CSMD1: variants seen among roughly 807,000 people sequenced by gnomAD.
CSMD1 encodes CUB and Sushi multiple domains 1.
CSMD1 carries 213 observed loss-of-function variants against 417.5 expected under a neutral mutation model. The ratio of observed to expected loss-of-function variants is 0.51; its 90% CI spans 0.46 to 0.57. CSMD1 has a LOEUF of 0.57. Among genes scored for constraint, CSMD1 ranks in the 20% least tolerant of loss-of-function variants. The pLI is 0.00. For synonymous variants in CSMD1, 2,862 were observed against 1,736.8 expected (o/e 1.65, Z -16.11); for missense variants, 6,923 against 4,529.7 (o/e 1.53, Z -15.17).
chr8:4,901,159 A>C (rs1804846791), intron 1 of CSMD1, among the ~76,000 whole-genome samples: 1 of 152,226 alleles, frequency 6.6e-6, no homozygotes, highest in Non-Finnish European at 1.5e-5. Context: ...CTGGGCTAAG[A>C]AAGATTTTCT....
intron 10 of CSMD1, among the ~76,000 whole-genome samples, chr8:3,562,597 T>C (rs1456546600): frequency 2.6e-5 from 4 of 152,196 alleles, no homozygotes. Context: ...TTTAACTCAG[T>C]AAAATTTTAT....
At chr8:3,709,451 C>T (rs773884065) in intron 6 of CSMD1, among the ~76,000 whole-genome samples, 4 of 152,072 alleles carry the variant, frequency 2.6e-5, no homozygotes, top group African/African-American at 7.2e-5. Flanking sequence ...AACCTGACTG[C>T]ACCACAAGGT....
intron 41 of CSMD1, among the ~76,000 whole-genome samples, chr8:3,121,403 T>C (rs1441729040): frequency 2.0e-5 from 3 of 152,078 alleles, no homozygotes; most frequent in South Asian, 2.1e-4. Flanking sequence ...AGAGGACACA[T>C]AGTGGCAAAA....
intron 10 of CSMD1, among the ~76,000 whole-genome samples, chr8:3,562,185 T>C (rs569117813): frequency 1.6e-4 from 24 of 151,748 alleles, no homozygotes; most frequent in Non-Finnish European, 2.1e-4. Context: ...TGGGGAAAGA[T>C]GGAAAGTGAA....
chr8:4,136,822 C>T (rs952329883), intron 3 of CSMD1, among the ~76,000 whole-genome samples: 2 of 152,162 alleles, frequency 1.3e-5, no homozygotes, highest in Admixed American at 6.5e-5. Context: ...GGGATCCTGA[C>T]ATCCAAATGT....
intron 3 of CSMD1, among the ~76,000 whole-genome samples, chr8:4,298,366 T>C (rs1797797457): frequency 6.6e-6 from 1 of 152,166 alleles, no homozygotes; most frequent in Non-Finnish European, 1.5e-5. Flanking sequence ...ACTGTAATAG[T>C]TTTTATTTAC....
intron 1 of CSMD1, among the ~76,000 whole-genome samples, chr8:4,908,406 T>G (rs1283660281): frequency 6.6e-6 from 1 of 152,226 alleles, no homozygotes; most frequent in Non-Finnish European, 1.5e-5. Context: ...TATCATTAAT[T>G]TTGGAAAGCT....
At chr8:3,321,428 G>C (rs964794724) in intron 23 of CSMD1, among the ~76,000 whole-genome samples, 5 of 152,064 alleles carry the variant, frequency 3.3e-5, no homozygotes, top group African/African-American at 1.2e-4. Flanking sequence ...TATTCCTCCT[G>C]AAGGCTCTTC....
chr8:4,130,165 C>A (rs1272800302), intron 3 of CSMD1, among the ~76,000 whole-genome samples: 1 of 152,140 alleles, frequency 6.6e-6, no homozygotes, highest in East Asian at 1.9e-4. Flanking sequence ...AAAGACCCAA[C>A]ATCTTTTCCT....
intron 1 of CSMD1, among the ~76,000 whole-genome samples, chr8:4,740,159 G>A (rs1245088557): frequency 1.3e-5 from 2 of 152,104 alleles, no homozygotes; most frequent in East Asian, 1.9e-4. Flanking sequence ...ACTGTGCAAT[G>A]AGAGCCTGAG....
intron 12 of CSMD1, among the ~76,000 whole-genome samples, chr8:3,464,858 C>G (rs1816709537): frequency 6.6e-6 from 1 of 152,068 alleles, no homozygotes; most frequent in East Asian, 1.9e-4. Flanking sequence ...TTACCTCTCT[C>G]CCATTACTTT....
intron 10 of CSMD1, among the ~76,000 whole-genome samples, chr8:3,546,069 A>G (rs1466205631): frequency 2.0e-5 from 3 of 152,250 alleles, no homozygotes; most frequent in African/African-American, 7.2e-5. Context: ...GACATTTAAC[A>G]GCCCTTGCTA....
intron 42 of CSMD1, among the ~76,000 whole-genome samples, chr8:3,114,526 G>C (rs551576499): frequency 1.8e-3 from 277 of 151,486 alleles, no homozygotes; most frequent in Non-Finnish European, 3.4e-3. Context: ...CTAGTGTGTA[G>C]AGAACCAGAG....
chr8:4,950,589 A>C (rs541023436), intron 1 of CSMD1, among the ~76,000 whole-genome samples: 1 of 152,304 alleles, frequency 6.6e-6, no homozygotes, highest in Admixed American at 6.5e-5. Context: ...TATGTAAAAC[A>C]CTACACATTT....
At chr8:4,303,123 T>C (rs1335247318) in intron 3 of CSMD1, among the ~76,000 whole-genome samples, 1 of 152,050 alleles carries the variant, frequency 6.6e-6, no homozygotes, top group Non-Finnish European at 1.5e-5. Context: ...AATAAGGACA[T>C]TATGATTTTC....
At chr8:3,175,775 G>A (rs1413808616) in intron 37 of CSMD1, among the ~76,000 whole-genome samples, 1 of 152,160 alleles carries the variant, frequency 6.6e-6, no homozygotes, top group Non-Finnish European at 1.5e-5. Context: ...TTGCTTTGCA[G>A]AATATATTAG....
chr8:4,396,302 G>C (rs1369797645), intron 3 of CSMD1, among the ~76,000 whole-genome samples: 4 of 120,474 alleles, frequency 3.3e-5, no homozygotes, highest in African/African-American at 1.7e-4. Flanking sequence ...TCTCTTAAAA[G>C]TAAAAAAAAA....
intron 54 of CSMD1, among the ~76,000 whole-genome samples, chr8:2,981,119 A>G (rs657805): frequency 0.81 from 122,534 of 152,166 alleles, 49,524 homozygotes; most frequent in Non-Finnish European, 0.82. Flanking sequence ...GAGGAAAAAC[A>G]GGGCAGGAAT....
intron 1 of CSMD1, among the ~76,000 whole-genome samples, chr8:4,780,746 A>C (rs1797114695): frequency 6.6e-6 from 1 of 152,118 alleles, no homozygotes; most frequent in African/African-American, 2.4e-5. Context: ...CAAGTCCCCA[A>C]AATCCATTGT....
Sources: allele counts gnomAD v4.1 joint callset (sites outside exome capture counted in the v4.1 genomes callset), GRCh38; gene constraint gnomAD v4.1.1; transcripts MANE v1.5; gene names NCBI Gene and HGNC (gene_info 2026-07-23, HGNC 2026-07-21).